PKNOX2: variants seen among roughly 807,000 people sequenced by gnomAD.
The protein encoded by PKNOX2 is homeobox protein PKNOX2.
Under a neutral mutation model 53.1 loss-of-function variants are expected in PKNOX2, and 14 were observed. The observed-to-expected ratio is 0.26, with a 90% confidence interval of 0.17 to 0.41. The LOEUF is 0.41. PKNOX2 is among the 10% of genes least tolerant of loss of function. The probability of loss-of-function intolerance (pLI) is 1.00; values close to 1 mark genes in which losing one functional copy is unlikely to be tolerated. For missense variants in PKNOX2, 496 were observed against 602.8 expected, an observed-to-expected ratio of 0.82 and a Z score of 1.85; for synonymous variants, 257 against 242.8, an observed-to-expected ratio of 1.06 and a Z score of -0.54.
Position 125,388,026 on chromosome 11 carries a change from T to C in PKNOX2, c.399+2304T>C, listed in dbSNP as rs1953766432. Among the ~76,000 whole-genome samples the C allele has an allele frequency of 2.0e-5, 3 of 152,026 alleles. No individual in the cohort carries two copies. In the South Asian group the frequency reaches 6.2e-4, roughly 32 times the overall value. On this transcript the variant is annotated intron_variant, in intron 6 of 12. Coordinates refer to ENST00000298282, the MANE Select transcript of PKNOX2 (RefSeq NM_001382323.2). ...AAATGCCTGTCATCTGGAAGGTTAATCTCAAGTGCAGGGCCCCTCCGTCAA... is the reference window on the plus strand; with the variant it reads ...AAATGCCTGTCATCTGGAAGGTTAACCTCAAGTGCAGGGCCCCTCCGTCAA...
At chr11:125,412,319 C>A (rs972466618) in intron 10 of PKNOX2, among the ~76,000 whole-genome samples, 1 of 152,178 alleles carries the variant, frequency 6.6e-6, no homozygotes, top group Admixed American at 6.5e-5. Flanking sequence ...GTGAGCCAAG[C>A]GCTGTGTGGT....
intron 6 of PKNOX2, among the ~76,000 whole-genome samples, chr11:125,394,739 C>T (rs12364695): frequency 0.083 from 12,685 of 152,290 alleles, 637 homozygotes; most frequent in Non-Finnish European, 0.12. Context: ...AAAAGAGATC[C>T]CATATATTGC....
intron 1 of PKNOX2, among the ~76,000 whole-genome samples, chr11:125,218,018 CTGGTGATTCAA>C (rs1940715584): frequency 6.6e-6 from 1 of 152,120 alleles, no homozygotes; most frequent in Non-Finnish European, 1.5e-5. Context: ...CCTGTTTGAT[CTGGTGATTCAA>C]TGGGTCTTCT....
At chr11:125,293,791 A>T (rs1391292651) in intron 2 of PKNOX2, among the ~76,000 whole-genome samples, 1 of 149,478 alleles carries the variant, frequency 6.7e-6, no homozygotes, top group Non-Finnish European at 1.5e-5. Context: ...AGACACGCTC[A>T]CACACACACG....
At chr11:125,195,681 G>C (rs1048024562) in intron 1 of PKNOX2, among the ~76,000 whole-genome samples, 28 of 152,154 alleles carry the variant, frequency 1.8e-4, no homozygotes, top group African/African-American at 6.8e-4. Flanking sequence ...TTCTTGTGGG[G>C]CAAGGGTCTC....
chr11:125,237,657 C>T (rs61912987), intron 2 of PKNOX2, among the ~76,000 whole-genome samples: 23,539 of 152,082 alleles, frequency 0.15, 1,869 homozygotes, highest in African/African-American at 0.17. Context: ...ATGTTTGAGT[C>T]GAAAGGGCCC....
intron 7 of PKNOX2, among the ~76,000 whole-genome samples, chr11:125,400,849 G>A (rs1352796811): frequency 6.6e-6 from 1 of 152,106 alleles, no homozygotes; most frequent in Non-Finnish European, 1.5e-5. Flanking sequence ...CACTTTTTGA[G>A]CAGAGACAGT....
intron 2 of PKNOX2, among the ~76,000 whole-genome samples, chr11:125,284,072 C>T (rs932243313): frequency 4.6e-5 from 7 of 152,182 alleles, no homozygotes; most frequent in Non-Finnish European, 8.8e-5. Context: ...GCCTTGGTCT[C>T]TCCATCGGTA....
At chr11:125,264,558 C>T (rs560519209) in intron 2 of PKNOX2, among the ~76,000 whole-genome samples, 2 of 152,064 alleles carry the variant, frequency 1.3e-5, no homozygotes, top group East Asian at 3.9e-4. Context: ...ACCTGGGAGG[C>T]GTAGAGCATT....
At chr11:125,184,610 G>C (rs1208694754) in intron 1 of PKNOX2, among the ~76,000 whole-genome samples, 1 of 152,218 alleles carries the variant, frequency 6.6e-6, no homozygotes, top group Non-Finnish European at 1.5e-5. Flanking sequence ...TGCTCTAGGG[G>C]AGCATAGCCT....
intron 2 of PKNOX2, among the ~76,000 whole-genome samples, chr11:125,306,362 C>A (rs1308617121): frequency 6.6e-6 from 1 of 152,226 alleles, no homozygotes; most frequent in African/African-American, 2.4e-5. Flanking sequence ...AGGGAGCTCA[C>A]TGATGCAGGT....
intron 2 of PKNOX2, among the ~76,000 whole-genome samples, chr11:125,311,778 C>T (rs1948823523): frequency 6.6e-6 from 1 of 152,040 alleles, no homozygotes; most frequent in Non-Finnish European, 1.5e-5. Context: ...GAGCACAATG[C>T]CCTCAAATAA....
chr11:125,184,336 GA>G (rs1956328451), intron 1 of PKNOX2: 1 of 152,156 alleles, frequency 6.6e-6, no homozygotes, highest in African/African-American at 2.4e-5. Context: ...GGAATGTGGG[GA>G]TGACTATCCC....
chr11:125,352,272 T>G lies in PKNOX2; in HGVS notation c.87+880T>G, dbSNP rs1303862201. 6.6e-6 allele frequency among the ~76,000 whole-genome samples: 1 copy of G among 152,230 alleles called. No individual in the cohort carries two copies. Among genetic ancestry groups the G allele is most frequent in the Admixed American group, 6.5e-5 (1 of 15,288 alleles). On this transcript the variant is annotated intron_variant, in intron 4 of 12. Coordinates refer to ENST00000298282, the MANE Select transcript of PKNOX2 (RefSeq NM_001382323.2). This position sits in a 1 kb window ranked among gnomAD's most constrained non-coding sequence, Gnocchi z 4.1. The stretch of plus-strand genomic sequence containing the variant: ...TGACCCTTCCCTTCACACTCTCCTG[T>G]CAATATGAATTCAATAATTATTTAT...
At chr11:125,360,638 G>A (rs1342318877) in intron 4 of PKNOX2, among the ~76,000 whole-genome samples, 2 of 152,176 alleles carry the variant, frequency 1.3e-5, no homozygotes, top group Non-Finnish European at 2.9e-5. Context: ...AATTTATGCA[G>A]AATGGGTTCC....
chr11:125,334,510 A>G (rs1460055729), intron 3 of PKNOX2, among the ~76,000 whole-genome samples: 1 of 152,032 alleles, frequency 6.6e-6, no homozygotes, highest in Non-Finnish European at 1.5e-5. Context: ...TTGGAACCAG[A>G]CCAACCTAGA....
chr11:125,299,203 C>T (rs1399587442), intron 2 of PKNOX2, among the ~76,000 whole-genome samples: 1 of 152,146 alleles, frequency 6.6e-6, no homozygotes, highest in African/African-American at 2.4e-5. Context: ...GAAACTCACT[C>T]ATTCCCATGG....
At chr11:125,177,405 G>A (rs1174302066) in intron 1 of PKNOX2, among the ~76,000 whole-genome samples, 2 of 152,226 alleles carry the variant, frequency 1.3e-5, no homozygotes, top group Non-Finnish European at 2.9e-5. Flanking sequence ...CCTGCCTAGG[G>A]TTTGGGCATC....
chr11:125,425,383 T>A (rs1397032797), intron 10 of PKNOX2, among the ~76,000 whole-genome samples: 1 of 150,486 alleles, frequency 6.6e-6, no homozygotes. Flanking sequence ...TACCTCTTTT[T>A]CTTTTTCTTT....
Sources: allele counts gnomAD v4.1 joint callset (sites outside exome capture counted in the v4.1 genomes callset), GRCh38; gene constraint gnomAD v4.1.1; non-coding constraint Gnocchi (gnomAD v3.1); transcripts MANE v1.5; gene names NCBI Gene and HGNC (gene_info 2026-07-23, HGNC 2026-07-21).